Variants in ZBTB38 observed in about 807,000 individuals in gnomAD.
The protein encoded by ZBTB38 is zinc finger and BTB domain containing 38.
ZBTB38 carries 20 observed loss-of-function variants against 76.8 expected under a neutral mutation model. That is an observed-to-expected ratio of 0.26 (90% CI 0.18 to 0.38). ZBTB38 has a LOEUF of 0.38. Ranked by LOEUF, ZBTB38 falls within the 10% of genes least tolerant of loss-of-function variation. The probability of loss-of-function intolerance (pLI) is 1.00; values close to 1 mark genes in which losing one functional copy is unlikely to be tolerated. For missense variants in ZBTB38, 1,082 were observed against 1,482.3 expected (o/e 0.73, Z 4.43); for synonymous variants, 504 against 544.2 (o/e 0.93, Z 1.03).
At chr3:141,390,827 G>C (rs1185440320) in intron 4 of ZBTB38, among the ~76,000 whole-genome samples, 1 of 152,162 alleles carries the variant, frequency 6.6e-6, no homozygotes, top group Non-Finnish European at 1.5e-5. Flanking sequence ...TGTAAATAAA[G>C]AAGGCAAGTG....
At chr3:141,433,576 C>T (rs1204135186) in intron 5 of ZBTB38, among the ~76,000 whole-genome samples, 1 of 151,994 alleles carries the variant, frequency 6.6e-6, no homozygotes, top group Non-Finnish European at 1.5e-5. Context: ...TGGAAAATGA[C>T]TGTGATAAAT....
At chr3:141,347,708 T>C (rs1205137942) in intron 1 of ZBTB38, among the ~76,000 whole-genome samples, 1 of 152,216 alleles carries the variant, frequency 6.6e-6, no homozygotes, top group Admixed American at 6.5e-5. Context: ...ATGTGGATGG[T>C]GCGTCTGACA....
Position 141,445,317 on chromosome 3 carries a change from A to G in ZBTB38, c.2929A>G (p.Lys977Glu), listed in dbSNP as rs1205453941. 5.6e-6 allele frequency: 9 copies of G among 1,614,156 alleles called. No individual in the cohort carries two copies. The highest frequency in any genetic ancestry group is 7.6e-6 in the Non-Finnish European group (9 of 1,180,036). Residue 977 changes from lysine to glutamate, a missense_variant, in exon 6 of 6, where the codon AAA (lysine) becomes GAA (glutamate). This residue lies in a region of ZBTB38 where 471 missense variants were observed against 581.0 expected (regional missense o/e 0.81). Transcript: ENST00000321464. The surrounding 1 kb of genome is among the most constrained non-coding windows in gnomAD (Gnocchi z 6.5). ...TAAACCCTTTGAGGAAGAAGAAACT[A>G]AAGAGATGCCCAAGCTGCAGTGTGA... ...QDKPFEEEET[K>E]EMPKLQCELC...
intron 1 of ZBTB38, among the ~76,000 whole-genome samples, chr3:141,335,699 G>A (rs1942997199): frequency 6.6e-6 from 1 of 152,204 alleles, no homozygotes; most frequent in African/African-American, 2.4e-5. Flanking sequence ...CCTCCCAGAG[G>A]CACCTCTGCT....
chr3:141,330,529 C>G (rs943430239), intron 1 of ZBTB38, among the ~76,000 whole-genome samples: 9 of 152,178 alleles, frequency 5.9e-5, no homozygotes, highest in African/African-American at 1.7e-4. Flanking sequence ...ACCAGAGGAC[C>G]AGGATGAGAG....
At chr3:141,407,518 G>C (rs77740929) in intron 5 of ZBTB38, among the ~76,000 whole-genome samples, 1 of 152,200 alleles carries the variant, frequency 6.6e-6, no homozygotes, top group Non-Finnish European at 1.5e-5. Context: ...GCATCTACAC[G>C]TAAAGCCTTA....
chr3:141,417,656 C>G (rs1384526589), intron 5 of ZBTB38, among the ~76,000 whole-genome samples: 2 of 152,192 alleles, frequency 1.3e-5, no homozygotes, highest in African/African-American at 4.8e-5. Context: ...GCAAATTTGT[C>G]AAATCATTCC....
rs947914332 is a variant in ZBTB38 at position 141,449,674 on chromosome 3, G to C, written c.*3698G>C. On this transcript the variant is annotated 3_prime_UTR_variant, in exon 6 of 6. Coordinates refer to ENST00000321464, the MANE Select transcript of ZBTB38 (RefSeq NM_001376113.1). ...TGTATTGGAAGGGCAATCCAAACCA[G>C]ATTCACCAAAAATTTGATAACTGTT... 1.3e-5 allele frequency: 2 copies of C among 152,062 alleles called. No homozygotes were observed. The highest frequency in any genetic ancestry group is 6.5e-5 in the Admixed American group (1 of 15,274). 9.4% of individuals were successfully genotyped at this position (152,062 alleles called of 1,614,324 possible).
chr3:141,363,880 G>A (rs1466348990), upstream of ZBTB38, among the ~76,000 whole-genome samples: 6 of 152,076 alleles, frequency 3.9e-5, no homozygotes, highest in Non-Finnish European at 8.8e-5. Flanking sequence ...ACTCTCAGAA[G>A]AAAACTCAGG....
intron 1 of ZBTB38, among the ~76,000 whole-genome samples, chr3:141,326,248 TAC>T (rs1942672259): frequency 6.6e-6 from 1 of 152,220 alleles, no homozygotes; most frequent in East Asian, 1.9e-4. Flanking sequence ...ATGCTCAGAT[TAC>T]AGTTTGCTCT....
chr3:141,370,723 C>T (rs1026843870), intron 2 of ZBTB38, among the ~76,000 whole-genome samples: 2 of 152,238 alleles, frequency 1.3e-5, no homozygotes, highest in Non-Finnish European at 2.9e-5. Context: ...CCATGAAGGA[C>T]ATTTTCCTTA....
chr3:141,372,607 A>G (rs529125176), intron 2 of ZBTB38, among the ~76,000 whole-genome samples: 9 of 151,178 alleles, frequency 6.0e-5, no homozygotes, highest in African/African-American at 2.2e-4. Context: ...AACCGAGATC[A>G]CACCACAGGA....
chr3:141,348,604 A>AT (rs1943431750), intron 1 of ZBTB38, among the ~76,000 whole-genome samples: 1 of 152,162 alleles, frequency 6.6e-6, no homozygotes, highest in Admixed American at 6.5e-5. Flanking sequence ...TGTGGCTACC[A>AT]TTTCCTTTCT....
chr3:141,373,590 A>T (rs1944939507), intron 2 of ZBTB38, among the ~76,000 whole-genome samples: 1 of 152,226 alleles, frequency 6.6e-6, no homozygotes, highest in Non-Finnish European at 1.5e-5. Flanking sequence ...AATTCATAGT[A>T]ATAGGGCTTT....
chr3:141,444,607 A>G lies in ZBTB38; in HGVS notation c.2219A>G (p.Asn740Ser). ...SNAIAAMTSS[N>S]HRAFSDPAVS... ...GCCATTGCTGCCATGACCAGCAGCA[A>G]CCACAGAGCCTTTTCAGACCCAGCT... The change falls in exon 6 of 6, where the codon AAC (asparagine) becomes AGC (serine). Residue 740 changes from asparagine (N) to serine (S), a missense_variant. This residue lies in a region of ZBTB38 where 471 missense variants were observed against 581.0 expected (regional missense o/e 0.81). Transcript: ENST00000321464. This position sits in a 1 kb window ranked among gnomAD's most constrained non-coding sequence, Gnocchi z 5.1. The G allele has an allele frequency of 6.2e-7, 1 of 1,614,202 alleles. No homozygotes were observed. The highest frequency in any genetic ancestry group is 8.5e-7 in the Non-Finnish European group (1 of 1,180,040).
chr3:141,365,271 C>T (rs1265655348), upstream of ZBTB38, among the ~76,000 whole-genome samples: 1 of 152,178 alleles, frequency 6.6e-6, no homozygotes, highest in Non-Finnish European at 1.5e-5. Flanking sequence ...TTAAACAGAA[C>T]ACTTGAACCT....
At chr3:141,419,458 T>C (rs1218369515) in intron 5 of ZBTB38, among the ~76,000 whole-genome samples, 1 of 152,228 alleles carries the variant, frequency 6.6e-6, no homozygotes, top group Non-Finnish European at 1.5e-5. Flanking sequence ...GGTTTATATT[T>C]GCTAATGTTT....
intron 4 of ZBTB38, among the ~76,000 whole-genome samples, chr3:141,393,695 C>T (rs1167645237): frequency 6.6e-6 from 1 of 152,114 alleles, no homozygotes; most frequent in African/African-American, 2.4e-5. Flanking sequence ...AGTCAGGAGG[C>T]AGCCAGGGGG....
At chr3:141,431,341 A>AAAAAAAAAAAAATATAT in intron 5 of ZBTB38, among the ~76,000 whole-genome samples, 12 of 103,290 alleles carry the variant, frequency 1.2e-4, no homozygotes, top group African/African-American at 6.6e-4. Flanking sequence ...AAAAAAAAAA[A>AAAAAAAAAAAAATATAT]ATATATATAT....
Sources: gnomAD v4.1 joint callset for allele counts (sites outside exome capture counted in the v4.1 genomes callset) on GRCh38, gnomAD v4.1.1 for gene constraint, gnomAD v4.1.1 regional missense constraint, Gnocchi (gnomAD v3.1) non-coding constraint, MANE v1.5 for transcripts, NCBI Gene and HGNC (gene_info 2026-07-23, HGNC 2026-07-21) for gene names.